CADPS: variants seen among roughly 807,000 people sequenced by gnomAD.
CADPS encodes the protein calcium dependent secretion activator, also known as calcium-dependent secretion activator 1.
In CADPS, 57 loss-of-function variants were observed where a neutral mutation model predicts 167.3. That is an observed-to-expected ratio of 0.34 (90% CI 0.28 to 0.42). The LOEUF (loss-of-function observed/expected upper bound fraction) is 0.42. Among genes scored for constraint, CADPS ranks in the 20% least tolerant of loss-of-function variants. The pLI, the probability that CADPS is intolerant of heterozygous loss-of-function variation, is 1.00. For missense variants in CADPS, 1,414 were observed against 1,738.1 expected (o/e 0.81, Z 3.32); for synonymous variants, 676 against 635.3 (o/e 1.06, Z -0.96).
At chr3:62,771,013 T>TGA (rs1335698658) in intron 1 of CADPS, among the ~76,000 whole-genome samples, 1 of 152,226 alleles carries the variant, frequency 6.6e-6, no homozygotes, top group Non-Finnish European at 1.5e-5. Context: ...TACCACAATT[T>TGA]ATCCATTTTC....
chr3:62,480,947 C>A (rs2061933813), intron 22 of CADPS, among the ~76,000 whole-genome samples: 1 of 152,158 alleles, frequency 6.6e-6, no homozygotes, highest in South Asian at 2.1e-4. Flanking sequence ...CTCACTCCCC[C>A]AAACTGCTGG....
At chr3:62,845,148 C>A (rs1367086805) in intron 1 of CADPS, among the ~76,000 whole-genome samples, 2 of 152,182 alleles carry the variant, frequency 1.3e-5, no homozygotes, top group Non-Finnish European at 2.9e-5. Flanking sequence ...CCACACTTTT[C>A]ATCTCAGAAG....
intron 11 of CADPS, among the ~76,000 whole-genome samples, chr3:62,545,419 T>C (rs1180160879): frequency 1.3e-5 from 2 of 152,086 alleles, no homozygotes; most frequent in South Asian, 2.1e-4. Context: ...AATCGGGGAA[T>C]TGCAAGAATT....
intron 21 of CADPS, among the ~76,000 whole-genome samples, chr3:62,483,511 C>G (rs996983476): frequency 2.6e-5 from 4 of 152,054 alleles, no homozygotes; most frequent in African/African-American, 9.7e-5. Context: ...ACTGAAAAAC[C>G]TAGAATGCAA....
At chr3:62,576,847 T>C (rs967094311) in intron 8 of CADPS, among the ~76,000 whole-genome samples, 5 of 145,096 alleles carry the variant, frequency 3.4e-5, no homozygotes, top group Non-Finnish European at 7.5e-5. Context: ...TAAATAATTT[T>C]GGGTGCACAT....
At position 62,420,901 on chromosome 3, in the gene CADPS, CAG is replaced by C. The variant is rs760889310; in HGVS notation, c.3777+17201_3777+17202del. 0.074 allele frequency among the ~76,000 whole-genome samples: 8,169 copies of C among 110,586 alleles called. 274 individuals carry two copies. The highest frequency in any genetic ancestry group is 0.11 in the African/African-American group (2,497 of 23,106). The allele number at this position is 110,586 out of a possible 152,430, so 72.5% of individuals were successfully genotyped here. A position where few individuals can be genotyped will look rare whatever the true frequency, so the allele number is the denominator to read the frequency against. On this transcript the variant is annotated intron_variant, in intron 28 of 29. Coordinates refer to ENST00000383710, the MANE Select transcript of CADPS (RefSeq NM_003716.4). This position sits in a 1 kb window ranked among gnomAD's most constrained non-coding sequence, Gnocchi z 4.1. ...ACACACACACACACACACACACACA[CAG>C]GCACACACACACACACTTGCCAGAT...
At chr3:62,526,041 AAG>A (rs1392056270) in intron 13 of CADPS, among the ~76,000 whole-genome samples, 1 of 152,148 alleles carries the variant, frequency 6.6e-6, no homozygotes, top group East Asian at 1.9e-4. Context: ...ACTGGGGAGA[AAG>A]AGAAGTCAAG....
At chr3:62,631,915 T>C (rs953862628) in intron 6 of CADPS, among the ~76,000 whole-genome samples, 3 of 152,180 alleles carry the variant, frequency 2.0e-5, no homozygotes, top group African/African-American at 4.8e-5. Context: ...TCTCTCGGTA[T>C]ATAGGATGAT....
rs549741290 is a variant in CADPS, at chr3:62,843,274, A to G, written c.441+31315T>C. Among the ~76,000 whole-genome samples, 99 of 152,352 alleles carry G rather than the reference A, an allele frequency of 6.5e-4. 1 individual carries two copies. Among genetic ancestry groups the G allele is most frequent in the African/African-American group, 2.1e-3 (88 of 41,580 alleles). The stretch of plus-strand genomic sequence containing the variant: ...GTTAATAATATTAAACAGAAACAAG[A>G]TTTAATGATATTTTCTTATTCTTTG... On this transcript the variant is annotated intron_variant, in intron 1 of 29. Transcript: ENST00000383710.
chr3:62,836,689 T>A (rs989603271), intron 1 of CADPS, among the ~76,000 whole-genome samples: 1 of 152,136 alleles, frequency 6.6e-6, no homozygotes, highest in African/African-American at 2.4e-5. Context: ...AGGTTATTTT[T>A]AAAGTACACT....
intron 24 of CADPS, chr3:62,473,845 A>T (rs1421888407): frequency 5.1e-6 from 1 of 197,024 alleles, no homozygotes; most frequent in Non-Finnish European, 1.0e-5. Flanking sequence ...AAATGTGAAA[A>T]TGACTTTCAT....
chr3:62,437,760 A>G (rs562085597), intron 28 of CADPS, among the ~76,000 whole-genome samples: 1 of 152,298 alleles, frequency 6.6e-6, no homozygotes, highest in African/African-American at 2.4e-5. Context: ...ATATCTCCCT[A>G]AAGTGAGGCC....
At position 62,507,005 on chromosome 3, in the gene CADPS, C is replaced by A. The variant is rs2066808128; in HGVS notation, c.2599+5746G>T. 3.3e-5 allele frequency among the ~76,000 whole-genome samples: 5 copies of A among 152,328 alleles called. No homozygotes were observed. The South Asian group carries it at 1.0e-3, about 32-fold the overall frequency. ...TTTTCATTTCTGAGACCAACTCCTT[C>A]ATGGATTTCCTAGCTACATGAACCA... On this transcript the variant is annotated intron_variant, in intron 17 of 29. Transcript: ENST00000383710.
intron 13 of CADPS, among the ~76,000 whole-genome samples, chr3:62,519,912 A>G (rs1339429855): frequency 6.6e-6 from 1 of 152,192 alleles, no homozygotes; most frequent in African/African-American, 2.4e-5. Context: ...GCTACAACCT[A>G]CAACTTCCTT....
At chr3:62,720,700 G>T (rs183048470) in intron 3 of CADPS, among the ~76,000 whole-genome samples, 1 of 151,944 alleles carries the variant, frequency 6.6e-6, no homozygotes, top group African/African-American at 2.4e-5. Context: ...AGGAAGCCAA[G>T]CAAATTATGC....
intron 26 of CADPS, among the ~76,000 whole-genome samples, chr3:62,447,594 A>G (rs2057408302): frequency 6.6e-6 from 1 of 152,204 alleles, no homozygotes; most frequent in African/African-American, 2.4e-5. Context: ...CAATGAGAGA[A>G]AGCTAATGAC....
intron 13 of CADPS, among the ~76,000 whole-genome samples, chr3:62,530,232 A>G (rs1387370550): frequency 1.3e-5 from 2 of 152,182 alleles, no homozygotes; most frequent in African/African-American, 2.4e-5. Flanking sequence ...AAATGATGGC[A>G]CTACTATAAA....
At chr3:62,844,022 C>A (rs1367061533) in intron 1 of CADPS, among the ~76,000 whole-genome samples, 1 of 152,148 alleles carries the variant, frequency 6.6e-6, no homozygotes, top group Admixed American at 6.5e-5. Flanking sequence ...AAACCTTAAT[C>A]CAAATTGCAT....
chr3:62,428,335 G>C (rs1347571961), intron 28 of CADPS, among the ~76,000 whole-genome samples: 1 of 103,264 alleles, frequency 9.7e-6, no homozygotes. Flanking sequence ...TTTTTAAATT[G>C]AGGTCCGGGT....
Sources: allele counts gnomAD v4.1 joint callset (sites outside exome capture counted in the v4.1 genomes callset), GRCh38; gene constraint gnomAD v4.1.1; non-coding constraint Gnocchi (gnomAD v3.1); transcripts MANE v1.5; gene names NCBI Gene and HGNC (gene_info 2026-07-23, HGNC 2026-07-21).